Variants in CEP78 observed in about 807,000 individuals in gnomAD.
CEP78 encodes centrosomal protein 78.
A neutral mutation model predicts 81.2 loss-of-function variants in CEP78; 76 were observed. The observed-to-expected ratio is 0.94, with a 90% CI of 0.78 to 1.13. The LOEUF (loss-of-function observed/expected upper bound fraction) is 1.13. CEP78 is among the 50% of genes most tolerant of loss of function. The pLI is 0.00. For synonymous variants in CEP78, 293 were observed against 301.4 expected, an observed-to-expected ratio of 0.97 and a Z score of 0.29; for missense variants, 918 against 846.8, an observed-to-expected ratio of 1.08 and a Z score of -1.04.
rs1177742800 is a variant in CEP78 at position 78,272,502 on chromosome 9, A to G, written c.*1651A>G. 1 of 152,232 alleles carries G rather than the reference A, an allele frequency of 6.6e-6. No individual in the cohort carries two copies. The highest frequency in any genetic ancestry group is 1.5e-5 in the Non-Finnish European group (1 of 68,044). 9.4% of individuals were successfully genotyped at this position (152,232 alleles called of 1,614,324 possible). A position where few individuals can be genotyped will look rare whatever the true frequency, so the allele number is the denominator to read the frequency against. On this transcript the variant is annotated 3_prime_UTR_variant, in exon 17 of 17. Coordinates refer to ENST00000643273, the MANE Select transcript of CEP78 (RefSeq NM_001330691.3). ...GAAAACAAAGTCCAACCAAAGTTCT[A>G]GGTTTGAACATGAATGGAGGCATGG... is the stretch of plus-strand genomic sequence containing the variant.
Position 78,265,583 on chromosome 9 carries a change from T to A in CEP78, c.1797+40T>A, listed in dbSNP as rs1231931633. The A allele has an allele frequency of 1.3e-5, 20 of 1,505,752 alleles. No individual in the cohort carries two copies. The Admixed American group carries it at 1.8e-4, about 14-fold the overall frequency. 93.3% of individuals were successfully genotyped at this position (1,505,752 alleles called of 1,614,324 possible). A position where few individuals can be genotyped will look rare whatever the true frequency, so the allele number is the denominator to read the frequency against. On this transcript the variant is annotated intron_variant, in intron 14 of 16. Transcript: ENST00000643273. ...CAGAACTTAGTGATTCTACAAGTGA[T>A]TAGCAAAAAAGGGAATTACTAAGTC...
At position 78,251,956 on chromosome 9, in the gene CEP78, G is replaced by T; in HGVS notation, c.1118G>T (p.Gly373Val). 1 of 1,608,566 alleles carries T rather than the reference G, an allele frequency of 6.2e-7. No individual in the cohort carries two copies. The highest frequency in any genetic ancestry group is 1.3e-5 in the African/African-American group (1 of 74,996). ...PVSSGRKHSLGKEYYAPAPLP... is the reference protein window; with the variant it reads ...PVSSGRKHSLVKEYYAPAPLP... ...AGTAGTGGCAGAAAACACTCCCTTG[G>T]TAAAGAATATTATGCGCCCGCACCT... Residue 373 changes from glycine to valine, a missense_variant, in exon 9 of 17, where the codon GGT becomes GTT. Physicochemically the swap from Gly to Val is moderately radical, Grantham distance 109. Coordinates refer to ENST00000643273, the MANE Select transcript of CEP78 (RefSeq NM_001330691.3).
rs769441616 is a variant in CEP78, at chr9:78,254,890, G to A, written c.1306G>A (p.Glu436Lys). ...AGAGAGTCCTTCATCCTCTGAAGTT[G>A]AAGAGGTTGATGATTCTTCAGAGAG... is the stretch of plus-strand genomic sequence containing the variant. ...TVESPSSSEV[E>K]EVDDSSESVH... is the part of the protein sequence containing the mutation. Residue 436 changes from glutamate to lysine, a missense_variant, in exon 11 of 17, where the codon GAA becomes AAA. By Grantham distance (56) the Glu-to-Lys change is moderately conservative (BLOSUM62 1). Coordinates refer to ENST00000643273, the MANE Select transcript of CEP78 (RefSeq NM_001330691.3). 5 of 1,609,594 alleles carry A rather than the reference G, an allele frequency of 3.1e-6. No homozygotes were observed. In the East Asian group the frequency reaches 1.1e-4, roughly 36 times the overall value.
chr9:78,239,245 A>G (rs1439536865), intron 1 of CEP78, among the ~76,000 whole-genome samples: 1 of 152,126 alleles, frequency 6.6e-6, no homozygotes, highest in Non-Finnish European at 1.5e-5. Flanking sequence ...TGCCTGGACT[A>G]TTGCAGACGC....
In CEP78 at chr9:78,243,529, A is replaced by G. The variant is rs772131209; in HGVS notation, c.671A>G (p.Asp224Gly). 2.5e-6 allele frequency: 4 copies of G among 1,613,794 alleles called. No homozygotes were observed. The East Asian group carries it at 8.9e-5, about 36-fold the overall frequency. Residue 224 changes from aspartate (D) to glycine (G), a missense_variant, in exon 5 of 17, where the codon GAC becomes GGC. Transcript: ENST00000643273. ...ESLRYRRPDL[D>G]CMAGLRRITL... ...CTTCGCTATAGGAGACCTGATCTTG[A>G]CTGTATGGCTGGCTTAAGACGTATC...
Position 78,236,380 on chromosome 9 carries a change from C to G in CEP78, c.30C>G (p.Asp10Glu). 6.3e-7 allele frequency: 1 copy of G among 1,588,572 alleles called. No individual in the cohort carries two copies. The highest frequency in any genetic ancestry group is 8.5e-7 in the Non-Finnish European group (1 of 1,169,702). The change falls in exon 1 of 17, where the codon GAC becomes GAG. Residue 10 changes from aspartate to glutamate, a missense_variant. Physicochemically the swap from Asp to Glu is conservative, Grantham distance 45 (BLOSUM62 2). Coordinates refer to ENST00000643273, the MANE Select transcript of CEP78 (RefSeq NM_001330691.3). The part of the protein sequence containing the change: MIDSVKLRR[D>E]SAADFFSHYE... ...TCGACTCCGTGAAGCTGCGCCGCGACAGCGCGGCGGACTTCTTCTCCCACT... is the reference window on the plus strand; with the variant it reads ...TCGACTCCGTGAAGCTGCGCCGCGAGAGCGCGGCGGACTTCTTCTCCCACT...
At chr9:78,245,976 T>C (rs1405809808) in intron 5 of CEP78, among the ~76,000 whole-genome samples, 1 of 152,194 alleles carries the variant, frequency 6.6e-6, no homozygotes, top group East Asian at 1.9e-4. Context: ...ATGAATCTAG[T>C]GCAATTTCTG....
At chr9:78,240,548 C>T (rs1430802044) in intron 3 of CEP78, among the ~76,000 whole-genome samples, 184 bp downstream of exon 3, 1 of 152,218 alleles carries the variant, frequency 6.6e-6, no homozygotes, top group Non-Finnish European at 1.5e-5. Flanking sequence ...ACTAACTTTA[C>T]TTAAGTTTGT....
At chr9:78,270,053 G>C (rs574099391) in intron 16 of CEP78, among the ~76,000 whole-genome samples, 1 of 152,298 alleles carries the variant, frequency 6.6e-6, no homozygotes, top group African/African-American at 2.4e-5. Flanking sequence ...ATCTGGGAAA[G>C]AAATATGGAT....
intron 11 of CEP78, among the ~76,000 whole-genome samples, chr9:78,260,177 C>T (rs1827209578): frequency 6.6e-6 from 1 of 152,156 alleles, no homozygotes; most frequent in Non-Finnish European, 1.5e-5. Context: ...TTTTGGAAAG[C>T]AATTTGGATG....
In CEP78 at chr9:78,272,737, C is replaced by G. The variant is rs538719594; in HGVS notation, c.*1886C>G. ...CAACATAGGTTTATTTGTGCCCATG[C>G]AGTTTGCCTTTGGCAGATTGGCTAG... On this transcript the variant is annotated 3_prime_UTR_variant, in exon 17 of 17. Transcript: ENST00000643273. 1 of 152,330 alleles carries G rather than the reference C, an allele frequency of 6.6e-6. No individual in the cohort carries two copies. Among genetic ancestry groups the G allele is most frequent in the South Asian group, 2.1e-4 (1 of 4,826 alleles). The allele number at this position is 152,330 out of a possible 1,614,324, so 9.4% of individuals were successfully genotyped here.
chr9:78,259,048 A>G (rs1175811709), intron 11 of CEP78, among the ~76,000 whole-genome samples: 1 of 152,228 alleles, frequency 6.6e-6, no homozygotes, highest in African/African-American at 2.4e-5. Flanking sequence ...CACGTGCATT[A>G]TTTGTAATAG....
chr9:78,255,760 T>C (rs1826991401), intron 11 of CEP78, among the ~76,000 whole-genome samples: 1 of 152,204 alleles, frequency 6.6e-6, no homozygotes, highest in Non-Finnish European at 1.5e-5. Context: ...CTATTATAAA[T>C]GAGCACCTTT....
chr9:78,257,338 C>T (rs891136175), intron 11 of CEP78, among the ~76,000 whole-genome samples: 1 of 152,206 alleles, frequency 6.6e-6, no homozygotes, highest in Non-Finnish European at 1.5e-5. Context: ...AGATTCCCAT[C>T]CAGCCAAACT....
rs1826779948 is a variant in CEP78, at chr9:78,251,921, G to T, written c.1083G>T (p.Lys361Asn). Residue 361 changes from lysine to asparagine, a missense_variant, in exon 9 of 17, where the codon AAG (lysine) becomes AAT (asparagine). Coordinates refer to ENST00000643273, the MANE Select transcript of CEP78 (RefSeq NM_001330691.3). ...KATIRIGLAT[K>N]KPVSSGRKHS... is the part of the protein sequence containing the mutation. ...CTTCTCAAGTAGGATTGGCTACAAAGAAACCTGTAAGTAGTGGCAGAAAAC... is the reference window on the plus strand; with the variant it reads ...CTTCTCAAGTAGGATTGGCTACAAATAAACCTGTAAGTAGTGGCAGAAAAC... The T allele has an allele frequency of 1.2e-6, 2 of 1,606,136 alleles. No homozygotes were observed. The highest frequency in any genetic ancestry group is 1.7e-6 in the Non-Finnish European group (2 of 1,174,586).
chr9:78,265,460 C>T lies in CEP78; in HGVS notation c.1714C>T (p.Pro572Ser). 1 of 1,596,680 alleles carries T rather than the reference C, an allele frequency of 6.3e-7. No homozygotes were observed. Among genetic ancestry groups the T allele is most frequent in the Non-Finnish European group, 8.5e-7 (1 of 1,171,088 alleles). ...HPQMTSTVSN[P>S]PKEEKKALED... ...CCAGATGACTTCTACTGTTAGTAAT[C>T]CACCTAAAGAAGAAAAGAAGGCGCT... Residue 572 changes from proline to serine, a missense_variant, in exon 14 of 17, where the codon CCA becomes TCA. Coordinates refer to ENST00000643273, the MANE Select transcript of CEP78 (RefSeq NM_001330691.3).
chr9:78,247,471 G>C (rs114533528), intron 6 of CEP78, among the ~76,000 whole-genome samples: 1 of 152,186 alleles, frequency 6.6e-6, no homozygotes, highest in East Asian at 1.9e-4. Context: ...GGCCAATATG[G>C]TTGGGGCACT....
chr9:78,266,878 G>C, intron 16 of CEP78, 175 bp downstream of exon 16: 2 of 1,436,642 alleles, frequency 1.4e-6, no homozygotes, highest in Non-Finnish European at 1.8e-6. Flanking sequence ...AAAGAAAATA[G>C]AATAGTGACT....
chr9:78,260,271 A>G (rs1827213712), intron 11 of CEP78, among the ~76,000 whole-genome samples: 1 of 152,270 alleles, frequency 6.6e-6, no homozygotes, highest in African/African-American at 2.4e-5. Flanking sequence ...TATTCTAAAT[A>G]TGGGAGAACA....
Sources: allele counts gnomAD v4.1 joint callset (sites outside exome capture counted in the v4.1 genomes callset), GRCh38; gene constraint gnomAD v4.1.1; transcripts MANE v1.5; gene names NCBI Gene and HGNC (gene_info 2026-07-23, HGNC 2026-07-21).